Variants in ATXN1 observed in about 807,000 individuals in gnomAD.
ATXN1 encodes ataxin-1.
A neutral mutation model predicts 56.4 loss-of-function variants in ATXN1; 8 were observed. The observed-to-expected ratio is 0.14, with a 90% CI of 0.08 to 0.26. The LOEUF (loss-of-function observed/expected upper bound fraction) is 0.26. Ranked by LOEUF, ATXN1 falls within the 10% of genes least tolerant of loss-of-function variation. ATXN1 has a pLI of 1.00. For missense variants in ATXN1, 987 were observed against 1,106.5 expected (o/e 0.89, Z 1.53); for synonymous variants, 514 against 494.6 (o/e 1.04, Z -0.52).
At chr6:16,540,690 G>C (rs1581832193) in intron 4 of ATXN1, among the ~76,000 whole-genome samples, 1 of 152,272 alleles carries the variant, frequency 6.6e-6, no homozygotes, top group African/African-American at 2.4e-5. Context: ...TAAACTGCCT[G>C]GTTAAGAACA....
chr6:16,523,390 T>A (rs1761331643), intron 4 of ATXN1, among the ~76,000 whole-genome samples: 1 of 152,162 alleles, frequency 6.6e-6, no homozygotes, highest in Non-Finnish European at 1.5e-5. Context: ...CATGGGGGAA[T>A]TCAGTGACCG....
chr6:16,379,209 A>C (rs1762202406), intron 6 of ATXN1, among the ~76,000 whole-genome samples: 1 of 152,200 alleles, frequency 6.6e-6, no homozygotes, highest in African/African-American at 2.4e-5. Context: ...GAGCTAAGCT[A>C]TGAGGATGCA....
chr6:16,529,734 G>A (rs1035655685), intron 4 of ATXN1, among the ~76,000 whole-genome samples: 3 of 152,152 alleles, frequency 2.0e-5, no homozygotes, highest in African/African-American at 7.2e-5. Context: ...TTTAAATTGA[G>A]TTAGGACTTA....
chr6:16,354,261 CTTA>C lies in ATXN1; in HGVS notation c.-160-25794_-160-25792del, dbSNP rs567878525. Among the ~76,000 whole-genome samples, 51 of 151,888 alleles carry C rather than the reference CTTA, an allele frequency of 3.4e-4. No homozygotes were observed. The East Asian group carries it at 8.9e-3, about 27-fold the overall frequency. The stretch of plus-strand genomic sequence containing the variant: ...ACCCCCTTCCTTCTATCTTATTTCA[CTTA>C]TTTTTTTTTTTGAGATGGAGTCTCG... On this transcript the variant is annotated intron_variant, in intron 6 of 7. Transcript: ENST00000436367.
chr6:16,461,785 T>C (rs1186817607), intron 6 of ATXN1, among the ~76,000 whole-genome samples: 1 of 152,208 alleles, frequency 6.6e-6, no homozygotes, highest in African/African-American at 2.4e-5. Context: ...AATATCACTT[T>C]CACTGTGCCT....
chr6:16,681,958 T>G (rs1758821001), intron 2 of ATXN1, among the ~76,000 whole-genome samples: 1 of 152,152 alleles, frequency 6.6e-6, no homozygotes, highest in South Asian at 2.1e-4. Context: ...CTGAATGTAT[T>G]AGAGCCTGAA....
chr6:16,564,643 T>C (rs1314338831), intron 4 of ATXN1, among the ~76,000 whole-genome samples: 1 of 152,218 alleles, frequency 6.6e-6, no homozygotes, highest in Non-Finnish European at 1.5e-5. Context: ...TTATATGGAA[T>C]GTCTAGAACA....
At chr6:16,614,488 G>A (rs1435037725) in intron 3 of ATXN1, among the ~76,000 whole-genome samples, 3 of 151,468 alleles carry the variant, frequency 2.0e-5, no homozygotes, top group African/African-American at 4.9e-5. Context: ...TTATCAAAGC[G>A]GCCAAAAAGG....
At chr6:16,584,267 C>CAT (rs1407815348) in intron 4 of ATXN1, among the ~76,000 whole-genome samples, 1 of 136,176 alleles carries the variant, frequency 7.3e-6, no homozygotes, top group African/African-American at 2.6e-5. Context: ...CACACACACA[C>CAT]ACACATATAC....
At chr6:16,687,914 T>C (rs1246315677) in intron 2 of ATXN1, among the ~76,000 whole-genome samples, 2 of 152,020 alleles carry the variant, frequency 1.3e-5, no homozygotes, top group African/African-American at 4.8e-5. Context: ...CCAAACAAAG[T>C]ATAAGGCATA....
intron 6 of ATXN1, among the ~76,000 whole-genome samples, chr6:16,451,796 C>T (rs181741606): frequency 6.6e-6 from 1 of 151,866 alleles, no homozygotes; most frequent in Admixed American, 6.6e-5. Context: ...TTGAAAGAAA[C>T]GTGGAGTTTG....
chr6:16,341,721 G>A (rs75763713), intron 6 of ATXN1, among the ~76,000 whole-genome samples: 2 of 151,378 alleles, frequency 1.3e-5, no homozygotes, highest in African/African-American at 4.8e-5. Context: ...GGGTTTCACC[G>A]TGTTAGCCAG....
intron 4 of ATXN1, among the ~76,000 whole-genome samples, chr6:16,578,240 C>T (rs1380938166): frequency 2.6e-5 from 4 of 152,106 alleles, no homozygotes; most frequent in Non-Finnish European, 4.4e-5. Flanking sequence ...TTCTTTATTC[C>T]CTGGAATCTT....
At chr6:16,547,526 A>C (rs1761836034) in intron 4 of ATXN1, among the ~76,000 whole-genome samples, 1 of 152,176 alleles carries the variant, frequency 6.6e-6, no homozygotes, top group African/African-American at 2.4e-5. Flanking sequence ...GCAATAACAC[A>C]GTACCACAGA....
intron 2 of ATXN1, among the ~76,000 whole-genome samples, chr6:16,665,114 T>C (rs1001171958): frequency 2.0e-5 from 3 of 152,326 alleles, no homozygotes; most frequent in East Asian, 1.9e-4. Flanking sequence ...GGTTGAAGTA[T>C]GTGGAGAAGA....
Position 16,327,866 on chromosome 6 carries a change from G to A in ATXN1, c.445C>T (p.Pro149Ser), listed in dbSNP as rs763415634. The A allele has an allele frequency of 1.2e-6, 2 of 1,607,402 alleles. No homozygotes were observed. Among genetic ancestry groups the A allele is most frequent in the East Asian group, 2.2e-5 (1 of 44,890 alleles). Reference protein sequence around the residue: ...YASFIPSQLIPPTANPVTSAV... With the variant: ...YASFIPSQLISPTANPVTSAV... The stretch of plus-strand genomic sequence containing the variant: ...CTGGTGACGGGGTTGGCGGTTGGGG[G>A]GATCAGCTGTGATGGGATGAAGCTG... The change falls in exon 7 of 8, where the codon CCC becomes TCC. Residue 149 changes from proline (P) to serine (S), a missense_variant. Physicochemically the swap from Pro to Ser is moderately conservative, Grantham distance 74. This residue lies in a region of ATXN1 where 723 missense variants were observed against 791.7 expected (regional missense o/e 0.91). Coordinates refer to ENST00000436367, the MANE Select transcript of ATXN1 (RefSeq NM_001128164.2).
At chr6:16,610,709 T>C (rs1561777691) in intron 3 of ATXN1, among the ~76,000 whole-genome samples, 1 of 152,170 alleles carries the variant, frequency 6.6e-6, no homozygotes, top group Non-Finnish European at 1.5e-5. Flanking sequence ...AAAGGGGTAG[T>C]TGTGCTTTAA....
At chr6:16,519,180 C>T (rs1175093220) in intron 5 of ATXN1, among the ~76,000 whole-genome samples, 2 of 152,120 alleles carry the variant, frequency 1.3e-5, no homozygotes, top group Non-Finnish European at 2.9e-5. Context: ...ATACATGTTT[C>T]GTATCCTTGA....
At chr6:16,566,649 C>T (rs1004182395) in intron 4 of ATXN1, among the ~76,000 whole-genome samples, 17 of 152,090 alleles carry the variant, frequency 1.1e-4, no homozygotes, top group Admixed American at 4.6e-4. Flanking sequence ...GTCAGGAGAT[C>T]AAGACCATCC....
Sources: allele counts gnomAD v4.1 joint callset (sites outside exome capture counted in the v4.1 genomes callset), GRCh38; gene constraint gnomAD v4.1.1; regional missense constraint gnomAD v4.1.1; transcripts MANE v1.5; gene names NCBI Gene and HGNC (gene_info 2026-07-23, HGNC 2026-07-21).